Variants in NLRX1 observed in about 807,000 individuals in gnomAD.
The protein encoded by NLRX1 is NLR family member X1.
NLRX1 carries 67 observed loss-of-function variants against 74.2 expected under a neutral mutation model. That is an observed-to-expected ratio of 0.90 (90% CI 0.74 to 1.11). The LOEUF (loss-of-function observed/expected upper bound fraction) is 1.11. Ranked by LOEUF, NLRX1 falls within the 50% of genes least tolerant of loss-of-function variation. NLRX1 has a pLI of 0.00. For synonymous variants in NLRX1, 506 were observed against 559.1 expected (o/e 0.91, Z 1.34); for missense variants, 1,191 against 1,305.4 (o/e 0.91, Z 1.35).
Position 119,174,683 on chromosome 11 carries a change from GCACCACC to G in NLRX1, c.1081_1087del (p.His361ArgfsTer2). On this transcript the variant is annotated frameshift_variant, in exon 6 of 10. Coordinates refer to ENST00000409109, the MANE Select transcript of NLRX1 (RefSeq NM_001282144.2). LOFTEE classifies it high-confidence loss of function. Reference sequence around the variant, plus strand: ...AGATGCTCTCCCGGAACCTGGAGGGGCACCACCAGATAGCCGCTGCCTGCTTCCTGCC... The same window carrying G: ...AGATGCTCTCCCGGAACCTGGAGGGGAGATAGCCGCTGCCTGCTTCCTGCC... 6.2e-7 allele frequency: 1 copy of G among 1,613,944 alleles called. No individual in the cohort carries two copies. The highest frequency in any genetic ancestry group is 8.5e-7 in the Non-Finnish European group (1 of 1,180,052).
intron 5 of NLRX1, 117 bp downstream of exon 5, chr11:119,174,215 G>GT: frequency 7.6e-7 from 1 of 1,319,534 alleles, no homozygotes; most frequent in African/African-American, 1.5e-5. Context: ...GAGCAAGTCA[G>GT]TAACTTCCCC....
In NLRX1 at chr11:119,173,609, T is replaced by C; in HGVS notation, c.360T>C (p.Pro120=). The stretch of plus-strand genomic sequence containing the variant: ...ACCCTGTGATCCGCGAGAGTACCCC[T>C]GATGAGCTACTTCGCCCACCCGCGG... ...HVDPVIREST[P]DELLRPPAEL... is the part of the protein sequence containing the mutation. The change falls in exon 5 of 10, where the codon CCT becomes CCC. Residue 120 remains proline, a synonymous_variant. Coordinates refer to ENST00000409109, the MANE Select transcript of NLRX1 (RefSeq NM_001282144.2). This position sits in a 1 kb window ranked among gnomAD's most constrained non-coding sequence, Gnocchi z 4.0. 6.2e-7 allele frequency: 1 copy of C among 1,614,124 alleles called. No homozygotes were observed. The highest frequency in any genetic ancestry group is 1.3e-5 in the African/African-American group (1 of 75,052).
At chr11:119,182,456 C>T in intron 9 of NLRX1, 111 bp downstream of exon 9, 1 of 1,433,732 alleles carries the variant, frequency 7.0e-7, no homozygotes, top group Non-Finnish European at 9.4e-7. Flanking sequence ...TGGTGCCTGT[C>T]CTTTATTCCT....
rs776155833 is a variant in NLRX1 at position 119,174,577 on chromosome 11, G to C, written c.974G>C (p.Arg325Pro). Residue 325 changes from arginine (R) to proline (P), a missense_variant, in exon 6 of 10, where the codon CGC becomes CCC. By Grantham distance (103) the Arg-to-Pro change is moderately radical. Transcript: ENST00000409109. ...TNLQKLYFQL[R>P]LNQPYCGYAV... ...CTGCAGAAGCTCTACTTCCAGCTCC[G>C]CCTCAACCAGCCGTACTGCGGGTAT... 1 of 1,614,086 alleles carries C rather than the reference G, an allele frequency of 6.2e-7. No individual in the cohort carries two copies. Among genetic ancestry groups the C allele is most frequent in the Non-Finnish European group, 8.5e-7 (1 of 1,180,052 alleles).
At position 119,173,814 on chromosome 11, in the gene NLRX1, C is replaced by G; in HGVS notation, c.565C>G (p.Pro189Ala). The G allele has an allele frequency of 6.2e-7, 1 of 1,613,524 alleles. No homozygotes were observed. Among genetic ancestry groups the G allele is most frequent in the Non-Finnish European group, 8.5e-7 (1 of 1,180,028 alleles). ...MVLDWCYGRL[P>A]AFELLIPFSC... ...TCTGGACTGGTGTTATGGGCGGCTGCCGGCCTTCGAGCTGCTCATCCCCTT... is the reference window on the plus strand; with the variant it reads ...TCTGGACTGGTGTTATGGGCGGCTGGCGGCCTTCGAGCTGCTCATCCCCTT... The change falls in exon 5 of 10, where the codon CCG (proline) becomes GCG (alanine). Residue 189 changes from proline to alanine, a missense_variant. Physicochemically the swap from Pro to Ala is conservative, Grantham distance 27. Transcript: ENST00000409109. This position sits in a 1 kb window ranked among gnomAD's most constrained non-coding sequence, Gnocchi z 4.0.
Position 119,183,332 on chromosome 11 carries a change from G to A in NLRX1, c.2821G>A (p.Glu941Lys), listed in dbSNP as rs1216620367. The A allele has an allele frequency of 1.2e-6, 2 of 1,614,260 alleles. No individual in the cohort carries two copies. Among genetic ancestry groups the A allele is most frequent in the East Asian group, 4.5e-5 (2 of 44,890 alleles). The change falls in exon 10 of 10, where the codon GAA (glutamate) becomes AAA (lysine). Residue 941 changes from glutamate to lysine, a missense_variant. Coordinates refer to ENST00000409109, the MANE Select transcript of NLRX1 (RefSeq NM_001282144.2). The surrounding 1 kb of genome is among the most constrained non-coding windows in gnomAD (Gnocchi z 5.7). Reference protein sequence around the residue: ...RHLELLLRDLEDSRGATLNPW... With the variant: ...RHLELLLRDLKDSRGATLNPW... ...CCTTGAGCTCCTACTGCGGGATCTG[G>A]AAGATAGCCGGGGTGCCACCCTTAA...
At position 119,173,392 on chromosome 11, in the gene NLRX1, A is replaced by G; in HGVS notation, c.230-87A>G. ...CCCAGCATCTATGCCGTGATGTCCC[A>G]GCCTGACCTCACCACCGCCCTGATT... On this transcript the variant is annotated intron_variant, in intron 4 of 9. Transcript: ENST00000409109. The surrounding 1 kb of genome is among the most constrained non-coding windows in gnomAD (Gnocchi z 4.0). 1 of 1,421,126 alleles carries G rather than the reference A, an allele frequency of 7.0e-7. No homozygotes were observed. The allele number at this position is 1,421,126 out of a possible 1,614,324, so 88.0% of individuals were successfully genotyped here.
At position 119,183,221 on chromosome 11, in the gene NLRX1, A is replaced by G; in HGVS notation, c.2710A>G (p.Thr904Ala). 1 of 1,614,050 alleles carries G rather than the reference A, an allele frequency of 6.2e-7. No homozygotes were observed. Among genetic ancestry groups the G allele is most frequent in the East Asian group, 2.2e-5 (1 of 44,870 alleles). The change falls in exon 10 of 10, where the codon ACG (threonine) becomes GCG (alanine). Residue 904 changes from threonine (T) to alanine (A), a missense_variant. Physicochemically the swap from Thr to Ala is moderately conservative, Grantham distance 58. Coordinates refer to ENST00000409109, the MANE Select transcript of NLRX1 (RefSeq NM_001282144.2). This position sits in a 1 kb window ranked among gnomAD's most constrained non-coding sequence, Gnocchi z 5.7. ...ARVVVSLTEG[T>A]AVSEYWSVIL... ...GGTGGTGGTGTCACTGACAGAGGGG[A>G]CGGCGGTGTCAGAATACTGGTCAGT...
At position 119,174,347 on chromosome 11, in the gene NLRX1, T is replaced by G; in HGVS notation, c.850-106T>G. Reference sequence around the variant, plus strand: ...TTGCTAGTTATAACTGTTATCCTCATCAATGTCTTCATCCTTGGACACTCC... The same window carrying G: ...TTGCTAGTTATAACTGTTATCCTCAGCAATGTCTTCATCCTTGGACACTCC... On this transcript the variant is annotated intron_variant, in intron 5 of 9. Coordinates refer to ENST00000409109, the MANE Select transcript of NLRX1 (RefSeq NM_001282144.2). 4.1e-6 allele frequency: 5 copies of G among 1,205,398 alleles called. 1 individual carries two copies. In the South Asian group the frequency reaches 7.1e-5, roughly 17 times the overall value. 74.7% of individuals were successfully genotyped at this position (1,205,398 alleles called of 1,614,324 possible).
In NLRX1 at chr11:119,173,524, G is replaced by A. The variant is rs202086344; in HGVS notation, c.275G>A (p.Arg92Gln). 2.8e-5 allele frequency: 45 copies of A among 1,614,090 alleles called. No individual in the cohort carries two copies. In the Admixed American group the frequency reaches 3.7e-4, roughly 13 times the overall value. ...HRRNLAEWFS[R>Q]LPREERQFGP... ...CGGAACCTGGCTGAGTGGTTCAGCC[G>A]GCTGCCCAGGGAGGAGCGCCAGTTT... Residue 92 changes from arginine to glutamine, a missense_variant, in exon 5 of 10, where the codon CGG becomes CAG. Arg to Gln is a conservative substitution (Grantham distance 43, BLOSUM62 1). Coordinates refer to ENST00000409109, the MANE Select transcript of NLRX1 (RefSeq NM_001282144.2). The surrounding 1 kb of genome is among the most constrained non-coding windows in gnomAD (Gnocchi z 4.0).
chr11:119,172,211 A>G, intron 2 of NLRX1, 145 bp from the exon 3 acceptor site: 2 of 670,274 alleles, frequency 3.0e-6, no homozygotes, highest in Middle Eastern at 2.5e-4. Context: ...GAATAATCAC[A>G]CAATGAAATA....
rs1431931859 is a variant in NLRX1 at position 119,182,205 on chromosome 11, A to G, written c.2466A>G (p.Glu822=). ...TGCTGCACACGGGCCTTGGGGACGA[A>G]GGCCTGGAGCTGCTGGCTGCCCAGC... ...LSLLHTGLGD[E]GLELLAAQLD... Residue 822 remains glutamate (E), a synonymous_variant, in exon 9 of 10, where the codon GAA becomes GAG. Coordinates refer to ENST00000409109, the MANE Select transcript of NLRX1 (RefSeq NM_001282144.2). 6.2e-7 allele frequency: 1 copy of G among 1,613,956 alleles called. No homozygotes were observed. Among genetic ancestry groups the G allele is most frequent in the Non-Finnish European group, 8.5e-7 (1 of 1,180,042 alleles).
At chr11:119,178,698 C>CTTTT (rs568546412) in intron 6 of NLRX1, among the ~76,000 whole-genome samples, 102 of 126,542 alleles carry the variant, frequency 8.1e-4, no homozygotes, top group African/African-American at 2.7e-3. Context: ...ACCCTGGAGG[C>CTTTT]TTTTTTTTTT....
rs149205824 is a variant in NLRX1, at chr11:119,173,500, G to T, written c.251G>T (p.Arg84Leu). 7.4e-6 allele frequency: 12 copies of T among 1,613,654 alleles called. No individual in the cohort carries two copies. The African/African-American group carries it at 1.6e-4, about 22-fold the overall frequency. ...SATEAIQRHRRNLAEWFSRLP... is the reference protein window; with the variant it reads ...SATEAIQRHRLNLAEWFSRLP... ...TCAGAAGCTATACAGCGGCACCGCC[G>T]GAACCTGGCTGAGTGGTTCAGCCGG... Residue 84 changes from arginine to leucine, a missense_variant, in exon 5 of 10, where the codon CGG (arginine) becomes CTG (leucine). Transcript: ENST00000409109. The surrounding 1 kb of genome is among the most constrained non-coding windows in gnomAD (Gnocchi z 4.0).
In NLRX1 at chr11:119,174,750, T is replaced by A. The variant is rs1340300873; in HGVS notation, c.1147T>A (p.Phe383Ile). 1.2e-6 allele frequency: 2 copies of A among 1,613,790 alleles called. No homozygotes were observed. The highest frequency in any genetic ancestry group is 2.7e-5 in the African/African-American group (2 of 75,060). The change falls in exon 6 of 10, where the codon TTC becomes ATC. Residue 383 changes from phenylalanine (F) to isoleucine (I), a missense_variant. Coordinates refer to ENST00000409109, the MANE Select transcript of NLRX1 (RefSeq NM_001282144.2). ...CTGGCTCGTTTGTGCCACCTTGCAC[T>A]TCCTGCATGCCCCCACGCCTGCTGG... ...YCWLVCATLH[F>I]LHAPTPAGQT...
Position 119,183,296 on chromosome 11 carries a change from G to C in NLRX1, c.2785G>C (p.Val929Leu). 1 of 1,614,242 alleles carries C rather than the reference G, an allele frequency of 6.2e-7. No homozygotes were observed. Among genetic ancestry groups the C allele is most frequent in the Non-Finnish European group, 8.5e-7 (1 of 1,180,050 alleles). ...CCTCAATAGCTGGGATCGGGCCCGG[G>C]TTCAGCGACACCTTGAGCTCCTACT... ...RNLNSWDRAR[V>L]QRHLELLLRD... is the part of the protein sequence containing the mutation. The change falls in exon 10 of 10, where the codon GTT (valine) becomes CTT (leucine). Residue 929 changes from valine to leucine, a missense_variant. Coordinates refer to ENST00000409109, the MANE Select transcript of NLRX1 (RefSeq NM_001282144.2). The surrounding 1 kb of genome is among the most constrained non-coding windows in gnomAD (Gnocchi z 5.7).
At position 119,183,861 on chromosome 11, in the gene NLRX1, C is replaced by T; in HGVS notation, c.*422C>T. 1.3e-6 allele frequency: 1 copy of T among 780,890 alleles called. No homozygotes were observed. Among genetic ancestry groups the T allele is most frequent in the East Asian group, 2.4e-5 (1 of 41,248 alleles). The allele number at this position is 780,890 out of a possible 1,614,324, so 48.4% of individuals were successfully genotyped here. On this transcript the variant is annotated 3_prime_UTR_variant, in exon 10 of 10. Coordinates refer to ENST00000409109, the MANE Select transcript of NLRX1 (RefSeq NM_001282144.2). This position sits in a 1 kb window ranked among gnomAD's most constrained non-coding sequence, Gnocchi z 5.7. ...GATGTGTTGGAAGCTTCCCCTCCTG[C>T]CTTATGCTCACCTGTGGACACCGAG... is the stretch of plus-strand genomic sequence containing the variant.
At position 119,173,807 on chromosome 11, in the gene NLRX1, G is replaced by T; in HGVS notation, c.558G>T (p.Gly186=). The T allele has an allele frequency of 6.2e-7, 1 of 1,613,538 alleles. No individual in the cohort carries two copies. The highest frequency in any genetic ancestry group is 2.2e-5 in the East Asian group (1 of 44,882). ...VRKMVLDWCY[G]RLPAFELLIP... is the part of the protein sequence containing the mutation. ...AGATGGTTCTGGACTGGTGTTATGG[G>T]CGGCTGCCGGCCTTCGAGCTGCTCA... The change falls in exon 5 of 10, where the codon GGG becomes GGT. Residue 186 remains glycine (G), a synonymous_variant. Transcript: ENST00000409109. This position sits in a 1 kb window ranked among gnomAD's most constrained non-coding sequence, Gnocchi z 4.0.
chr11:119,178,238 C>T (rs1250983202), intron 6 of NLRX1, among the ~76,000 whole-genome samples: 3 of 152,134 alleles, frequency 2.0e-5, no homozygotes, highest in East Asian at 3.8e-4. Flanking sequence ...CACAAAACAA[C>T]GTCATGGTTT....
Sources: gnomAD v4.1 joint callset for allele counts (sites outside exome capture counted in the v4.1 genomes callset) on GRCh38, gnomAD v4.1.1 for gene constraint, Gnocchi (gnomAD v3.1) non-coding constraint, MANE v1.5 for transcripts, NCBI Gene and HGNC (gene_info 2026-07-23, HGNC 2026-07-21) for gene names.